ABR: variants seen among roughly 807,000 people sequenced by gnomAD.
The protein encoded by ABR is ABR activator of RhoGEF and GTPase.
Under a neutral mutation model 107.2 loss-of-function variants are expected in ABR, and 35 were observed. That is an observed-to-expected ratio of 0.33 (90% CI 0.25 to 0.43). The LOEUF (loss-of-function observed/expected upper bound fraction) is 0.43. Ranked by LOEUF, ABR falls within the 20% of genes least tolerant of loss-of-function variation. The pLI is 1.00. For synonymous variants in ABR, 498 were observed against 462.0 expected (o/e 1.08, Z -1.00); for missense variants, 815 against 1,115.2 (o/e 0.73, Z 3.83).
intron 2 of ABR, among the ~76,000 whole-genome samples, chr17:1,107,114 G>C (rs146466491): frequency 6.6e-6 from 1 of 152,222 alleles, no homozygotes; most frequent in Non-Finnish European, 1.5e-5. Context: ...GGAACTCCCC[G>C]GCATTCGAGA....
intron 1 of ABR, among the ~76,000 whole-genome samples, chr17:1,152,748 GCT>G (rs1290562398): frequency 1.3e-5 from 2 of 152,152 alleles, no homozygotes; most frequent in African/African-American, 4.8e-5. Flanking sequence ...TTGGCCAAGC[GCT>G]CTGTTATCTT....
intron 1 of ABR, among the ~76,000 whole-genome samples, chr17:1,159,777 A>G (rs1209553990): frequency 6.7e-6 from 1 of 150,284 alleles, no homozygotes; most frequent in African/African-American, 2.4e-5. Context: ...CACACACAGG[A>G]AGCACTCAGT....
At chr17:1,046,892 T>A (rs1275751409) in intron 16 of ABR, among the ~76,000 whole-genome samples, 1 of 152,160 alleles carries the variant, frequency 6.6e-6, no homozygotes, top group Non-Finnish European at 1.5e-5. Flanking sequence ...GGAGATGGCA[T>A]TTGGGAAGCG....
rs550249520 is a variant in ABR at position 1,166,513 on chromosome 17, G to A, written c.61+13154C>T. Reference sequence around the variant, plus strand: ...GGAGGCCCGGGGGTGTGGCAGTGGGGCCAGGAGGGGAGGCTGCGGCTGGAG... The same window carrying A: ...GGAGGCCCGGGGGTGTGGCAGTGGGACCAGGAGGGGAGGCTGCGGCTGGAG... On this transcript the variant is annotated intron_variant, in intron 1 of 22. Transcript: ENST00000302538. Among the ~76,000 whole-genome samples, 366 of 152,356 alleles carry A rather than the reference G, an allele frequency of 2.4e-3. 1 individual carries two copies. The highest frequency in any genetic ancestry group is 3.9e-3 in the Non-Finnish European group (263 of 68,036).
chr17:1,056,877 G>A, intron 13 of ABR, 121 bp downstream of exon 13: 1 of 676,284 alleles, frequency 1.5e-6, no homozygotes, highest in Non-Finnish European at 2.7e-6. Context: ...AACAGTCTCA[G>A]CACAGCCGAG....
intron 12 of ABR, among the ~76,000 whole-genome samples, chr17:1,057,454 T>G (rs1386394598): frequency 6.6e-6 from 1 of 151,112 alleles, no homozygotes; most frequent in Non-Finnish European, 1.5e-5. Context: ...CTCAGCTCAC[T>G]GCAACCTCCG....
chr17:1,219,754 A>G (rs1846157561), intron 1 of ABR, among the ~76,000 whole-genome samples: 1 of 139,256 alleles, frequency 7.2e-6, no homozygotes, highest in Admixed American at 7.4e-5. Context: ...CCATGCCCCA[A>G]AAAAATAAAA....
chr17:1,123,577 G>A (rs1249264401), intron 2 of ABR, among the ~76,000 whole-genome samples: 2 of 152,246 alleles, frequency 1.3e-5, no homozygotes, highest in African/African-American at 4.8e-5. Flanking sequence ...CACAGGGACA[G>A]GGAGCAAAGA....
intron 2 of ABR, chr17:1,108,861 G>T (rs1414917234): frequency 1.4e-5 from 21 of 1,472,488 alleles, no homozygotes; most frequent in Non-Finnish European, 1.8e-5. Flanking sequence ...GCCCGCATCA[G>T]CCATTTCTCC....
At chr17:1,175,060 AAG>A (rs2041870524) in intron 1 of ABR, among the ~76,000 whole-genome samples, 1 of 152,320 alleles carries the variant, frequency 6.6e-6, no homozygotes, top group Admixed American at 6.5e-5. Context: ...AAAAATAACA[AAG>A]AGAAGATGAT....
intron 4 of ABR, among the ~76,000 whole-genome samples, chr17:1,088,659 C>T (rs1226360724): frequency 2.0e-5 from 3 of 151,900 alleles, no homozygotes; most frequent in African/African-American, 7.3e-5. Flanking sequence ...GATCTCGGCT[C>T]ACTACAACCT....
chr17:1,106,224 A>T (rs2038235720), intron 2 of ABR, among the ~76,000 whole-genome samples: 1 of 152,236 alleles, frequency 6.6e-6, no homozygotes, highest in South Asian at 2.1e-4. Context: ...TGGAAATGAC[A>T]CTGGAAACAG....
chr17:1,058,513 G>A (rs2033594941), intron 11 of ABR, among the ~76,000 whole-genome samples: 1 of 152,148 alleles, frequency 6.6e-6, no homozygotes, highest in South Asian at 2.1e-4. Context: ...TGAAGGGGGA[G>A]CTCCTTCCTG....
intron 1 of ABR, among the ~76,000 whole-genome samples, chr17:1,178,490 G>A (rs537911179): frequency 2.6e-5 from 4 of 152,078 alleles, no homozygotes; most frequent in African/African-American, 9.6e-5. Context: ...CTTGAACCCG[G>A]GAGGCAGAGG....
At chr17:1,074,272 G>A (rs1011935435) in intron 6 of ABR, among the ~76,000 whole-genome samples, 6 of 149,000 alleles carry the variant, frequency 4.0e-5, no homozygotes, top group South Asian at 2.1e-4. Flanking sequence ...CCTGCCACAC[G>A]CAGAACCCCA....
chr17:1,228,571 A>G (rs1292956898), intron 1 of ABR, among the ~76,000 whole-genome samples: 1 of 152,064 alleles, frequency 6.6e-6, no homozygotes, highest in Non-Finnish European at 1.5e-5. Context: ...CCGCCAGTTC[A>G]TTTTCATAGA....
intron 10 of ABR, among the ~76,000 whole-genome samples, chr17:1,065,606 A>G (rs2034632756): frequency 1.3e-5 from 2 of 152,210 alleles, no homozygotes; most frequent in African/African-American, 2.4e-5. Context: ...ATGTTCCTCT[A>G]AACAGCACTT....
intron 1 of ABR, among the ~76,000 whole-genome samples, chr17:1,207,091 A>AC (rs1567891981): frequency 3.5e-5 from 1 of 28,552 alleles, no homozygotes; most frequent in Non-Finnish European, 7.8e-4. Flanking sequence ...CTCAAAACAA[A>AC]CAAAAAAAAA....
intron 16 of ABR, among the ~76,000 whole-genome samples, chr17:1,032,399 G>T (rs1042517970): frequency 6.6e-6 from 1 of 152,186 alleles, no homozygotes; most frequent in Non-Finnish European, 1.5e-5. Context: ...AGTGGGAATC[G>T]GGTCACTGAT....
Sources: gnomAD v4.1 joint callset for allele counts (sites outside exome capture counted in the v4.1 genomes callset) on GRCh38, gnomAD v4.1.1 for gene constraint, MANE v1.5 for transcripts, NCBI Gene and HGNC (gene_info 2026-07-23, HGNC 2026-07-21) for gene names.